GTPBP10: variants seen among roughly 807,000 people sequenced by gnomAD.
GTPBP10 encodes the protein GTP-binding protein 10.
A neutral mutation model predicts 44.8 loss-of-function variants in GTPBP10; 38 were observed. The observed-to-expected ratio is 0.85, with a 90% CI of 0.65 to 1.11. The LOEUF (loss-of-function observed/expected upper bound fraction) is 1.11, where lower values mean the gene tolerates loss of function less well. Ranked by LOEUF, GTPBP10 falls within the 50% of genes most tolerant of loss-of-function variation. The pLI is 0.00. For synonymous variants in GTPBP10, 152 were observed against 150.6 expected (o/e 1.01, Z -0.07); for missense variants, 462 against 453.7 (o/e 1.02, Z -0.17).
Position 90,363,395 on chromosome 7 carries a change from T to G in GTPBP10, c.464+8165T>G, listed in dbSNP as rs1276419066. 6.6e-5 allele frequency among the ~76,000 whole-genome samples: 10 copies of G among 152,284 alleles called. No homozygotes were observed. In the East Asian group the frequency reaches 1.4e-3, roughly 21 times the overall value. On this transcript the variant is annotated intron_variant, in intron 4 of 9. Coordinates refer to ENST00000222511, the MANE Select transcript of GTPBP10 (RefSeq NM_033107.4). Reference sequence around the variant, plus strand: ...ATTTTATTTCTCCTTCACTTATGAATCTTAGTTTGGCTGGATATGAAATTC... The same window carrying G: ...ATTTTATTTCTCCTTCACTTATGAAGCTTAGTTTGGCTGGATATGAAATTC...
intron 4 of GTPBP10, among the ~76,000 whole-genome samples, chr7:90,355,866 G>A (rs17867214): frequency 1.1e-3 from 160 of 152,268 alleles, no homozygotes; most frequent in African/African-American, 3.8e-3. Context: ...GGGGTTTGCA[G>A]TGCAGCTGCC....
intron 4 of GTPBP10, among the ~76,000 whole-genome samples, chr7:90,361,276 A>G (rs547281106): frequency 3.0e-4 from 45 of 152,312 alleles, no homozygotes; most frequent in Non-Finnish European, 5.9e-5. Context: ...TGGGTTTGTC[A>G]TAAATAGCTC....
chr7:90,360,047 T>A (rs1273423524), intron 4 of GTPBP10, among the ~76,000 whole-genome samples: 1 of 152,246 alleles, frequency 6.6e-6, no homozygotes, highest in Non-Finnish European at 1.5e-5. Flanking sequence ...TAGCCCTTTA[T>A]CAGATGAGTA....
intron 4 of GTPBP10, among the ~76,000 whole-genome samples, chr7:90,356,068 C>T (rs184147010): frequency 1.3e-5 from 2 of 151,356 alleles, no homozygotes; most frequent in Admixed American, 1.3e-4. Flanking sequence ...CTGTCCTACT[C>T]CAAATTCCTA....
At chr7:90,350,471 T>TCC in intron 1 of GTPBP10, among the ~76,000 whole-genome samples, 1 of 24,300 alleles carries the variant, frequency 4.1e-5, no homozygotes, top group Non-Finnish European at 6.6e-5. Context: ...TCTTGAGGAA[T>TCC]CTAGAACTGT....
chr7:90,383,460 A>G (rs1412799869), intron 9 of GTPBP10, among the ~76,000 whole-genome samples: 2 of 152,222 alleles, frequency 1.3e-5, no homozygotes, highest in Non-Finnish European at 2.9e-5. Context: ...AGTACTGTAC[A>G]TCATAAAATT....
At position 90,386,721 on chromosome 7, in the gene GTPBP10, ATATAT is replaced by A. The variant is rs1796531481; in HGVS notation, c.*1572_*1576del. 1 of 152,224 alleles carries A rather than the reference ATATAT, an allele frequency of 6.6e-6. No individual in the cohort carries two copies. Among genetic ancestry groups the A allele is most frequent in the Non-Finnish European group, 1.5e-5 (1 of 68,040 alleles). The allele number at this position is 152,224 out of a possible 1,614,324, so 9.4% of individuals were successfully genotyped here. A position where few individuals can be genotyped will look rare whatever the true frequency, so the allele number is the denominator to read the frequency against. On this transcript the variant is annotated 3_prime_UTR_variant, in exon 10 of 10. Coordinates refer to ENST00000222511, the MANE Select transcript of GTPBP10 (RefSeq NM_033107.4). ...CAAACTTTAATATTATCAACAATCA[ATATAT>A]TATAAGAGATTGCAATTTCTAAGTT... is the stretch of plus-strand genomic sequence containing the variant.
At chr7:90,351,997 A>G (rs1795799756) in intron 1 of GTPBP10, among the ~76,000 whole-genome samples, 1 of 152,228 alleles carries the variant, frequency 6.6e-6, no homozygotes, top group Admixed American at 6.5e-5. Flanking sequence ...CACTTGGCTC[A>G]TAAGCATTTT....
At chr7:90,373,220 A>T (rs1206756397) in intron 5 of GTPBP10, among the ~76,000 whole-genome samples, 1 of 152,138 alleles carries the variant, frequency 6.6e-6, no homozygotes, top group Non-Finnish European at 1.5e-5. Flanking sequence ...GCTGTATTTG[A>T]TTTTTATATC....
intron 8 of GTPBP10, among the ~76,000 whole-genome samples, chr7:90,379,029 A>G (rs1467425556): frequency 2.0e-5 from 3 of 152,164 alleles, no homozygotes; most frequent in South Asian, 2.1e-4. Flanking sequence ...CCAGATGCCC[A>G]TCGGACATCT....
chr7:90,350,724 A>G (rs987574188), intron 1 of GTPBP10, among the ~76,000 whole-genome samples: 1 of 152,258 alleles, frequency 6.6e-6, no homozygotes, highest in African/African-American at 2.4e-5. Flanking sequence ...ACCTTTTGGC[A>G]TAGCTGCTGC....
intron 4 of GTPBP10, among the ~76,000 whole-genome samples, chr7:90,364,889 G>A (rs1052120953): frequency 6.6e-6 from 1 of 152,174 alleles, no homozygotes; most frequent in South Asian, 2.1e-4. Flanking sequence ...TGCTGTGCTA[G>A]CAATGAGTGA....
intron 8 of GTPBP10, 67 bp downstream of exon 8, chr7:90,378,278 TA>T (rs1796378956): frequency 6.6e-7 from 1 of 1,509,252 alleles, no homozygotes. Context: ...CTATATGAAA[TA>T]ACATAATTAC....
At chr7:90,356,093 T>C (rs1054574228) in intron 4 of GTPBP10, among the ~76,000 whole-genome samples, 3 of 152,102 alleles carry the variant, frequency 2.0e-5, no homozygotes, top group African/African-American at 7.2e-5. Context: ...TATTTTTTGC[T>C]TCCCCATAGC....
At chr7:90,359,271 A>C (rs541394257) in intron 4 of GTPBP10, among the ~76,000 whole-genome samples, 4 of 152,108 alleles carry the variant, frequency 2.6e-5, no homozygotes, top group African/African-American at 9.6e-5. Context: ...CATTAGGCAT[A>C]TCTCCTAATG....
intron 4 of GTPBP10, among the ~76,000 whole-genome samples, chr7:90,357,354 A>C (rs1795923713): frequency 6.6e-6 from 1 of 152,224 alleles, no homozygotes; most frequent in African/African-American, 2.4e-5. Flanking sequence ...AATTATGGAT[A>C]AAAACAGCTG....
At chr7:90,360,817 A>T (rs1796002730) in intron 4 of GTPBP10, among the ~76,000 whole-genome samples, 1 of 152,062 alleles carries the variant, frequency 6.6e-6, no homozygotes, top group Non-Finnish European at 1.5e-5. Flanking sequence ...TATTTCGTTG[A>T]GCAGTGGTTT....
chr7:90,366,429 CAATT>C (rs1268441089), intron 4 of GTPBP10, among the ~76,000 whole-genome samples: 3 of 152,060 alleles, frequency 2.0e-5, no homozygotes, highest in African/African-American at 4.8e-5. Context: ...GGTTGGTAAG[CAATT>C]AATTATTGCC....
At chr7:90,369,134 A>C (rs1485324515) in intron 4 of GTPBP10, among the ~76,000 whole-genome samples, 1 of 152,230 alleles carries the variant, frequency 6.6e-6, no homozygotes, top group Non-Finnish European at 1.5e-5. Context: ...GCTGCAGAAC[A>C]GCAAATATTG....
Sources: gnomAD v4.1 joint callset for allele counts (sites outside exome capture counted in the v4.1 genomes callset) on GRCh38, gnomAD v4.1.1 for gene constraint, MANE v1.5 for transcripts, NCBI Gene and HGNC (gene_info 2026-07-23, HGNC 2026-07-21) for gene names.